Variants in UGT2A2 observed in about 807,000 individuals in gnomAD.
UGT2A2 encodes UDP-glucuronosyltransferase 2A2.
In UGT2A2, 60 loss-of-function variants were observed where a neutral mutation model predicts 50.7. The ratio of observed to expected loss-of-function variants is 1.18; its 90% CI spans 0.96 to 1.47. The LOEUF is 1.47. Among genes scored for constraint, UGT2A2 ranks in the 40% most tolerant of loss-of-function variants. The pLI, the probability that UGT2A2 is intolerant of heterozygous loss-of-function variation, is 0.00. For synonymous variants in UGT2A2, 242 were observed against 214.6 expected (o/e 1.13, Z -1.11); for missense variants, 762 against 634.0 (o/e 1.20, Z -2.17).
Position 69,607,048 on chromosome 4 carries a change from C to A in UGT2A2, c.743-7654G>T, listed in dbSNP as rs1170456819. 3.1e-4 allele frequency among the ~76,000 whole-genome samples: 42 copies of A among 136,164 alleles called. 5 individuals are homozygous for A. The highest frequency in any genetic ancestry group is 1.2e-3 in the African/African-American group (40 of 33,504). The allele number at this position is 136,164 out of a possible 152,430, so 89.3% of individuals were successfully genotyped here. A position where few individuals can be genotyped will look rare whatever the true frequency, so the allele number is the denominator to read the frequency against. Reference sequence around the variant, plus strand: ...CCATCAAACTACCAATGACTTTCTTCACAGAATTGGAAAAAACTACTTTAA... The same window carrying A: ...CCATCAAACTACCAATGACTTTCTTAACAGAATTGGAAAAAACTACTTTAA... On this transcript the variant is annotated intron_variant, in intron 1 of 5. Coordinates refer to ENST00000604629, the MANE Select transcript of UGT2A2 (RefSeq NM_001105677.2).
chr4:69,594,628 C>G lies in UGT2A2; in HGVS notation c.1180G>C (p.Gly394Arg), dbSNP rs375410043. 7 of 1,614,030 alleles carry G rather than the reference C, an allele frequency of 4.3e-6. No homozygotes were observed. The South Asian group carries it at 6.6e-5, about 15-fold the overall frequency. ...TNGIYEAIYH[G>R]VPMVGVPMFA... ...ATGGGAACTCCCACCATAGGGACTC[C>G]GTGGTAAATAGCTTCGTAGATCCCA... The change falls in exon 5 of 6, where the codon GGA (glycine) becomes CGA (arginine). Residue 394 changes from glycine to arginine, a missense_variant. Physicochemically the swap from Gly to Arg is moderately radical, Grantham distance 125. Coordinates refer to ENST00000604629, the MANE Select transcript of UGT2A2 (RefSeq NM_001105677.2).
intron 1 of UGT2A2, among the ~76,000 whole-genome samples, chr4:69,630,601 A>C (rs1229711099): frequency 6.6e-6 from 1 of 152,176 alleles, no homozygotes. Context: ...GGAATTATAA[A>C]ATAGGCCTCT....
At chr4:69,638,147 G>A (rs1003447387) in intron 1 of UGT2A2, among the ~76,000 whole-genome samples, 2 of 152,146 alleles carry the variant, frequency 1.3e-5, no homozygotes, top group Admixed American at 1.3e-4. Context: ...ACCAGTGGTA[G>A]CATCATCTGT....
chr4:69,589,880 G>A (rs959265091), intron 5 of UGT2A2, among the ~76,000 whole-genome samples: 2 of 152,144 alleles, frequency 1.3e-5, no homozygotes, highest in Non-Finnish European at 2.9e-5. Flanking sequence ...ACATAAAAAA[G>A]TAGAGTAAGC....
intron 1 of UGT2A2, 71 bp downstream of exon 1, chr4:69,638,828 T>C (rs1054943077): frequency 1.4e-6 from 2 of 1,449,304 alleles, no homozygotes; most frequent in Non-Finnish European, 1.8e-6. Flanking sequence ...GGAATGGAAA[T>C]CGTTTGCCAT....
chr4:69,599,916 C>T (rs1258498725), intron 1 of UGT2A2, among the ~76,000 whole-genome samples: 16 of 152,156 alleles, frequency 1.1e-4, no homozygotes, highest in Admixed American at 1.0e-3. Context: ...CAGTTAAATG[C>T]CAGATAAGTT....
chr4:69,630,369 C>T (rs1282017067), intron 1 of UGT2A2, among the ~76,000 whole-genome samples: 3 of 152,024 alleles, frequency 2.0e-5, no homozygotes, highest in Non-Finnish European at 4.4e-5. Flanking sequence ...CCCATTCCCA[C>T]CTCTTCCCGG....
At chr4:69,620,797 T>C (rs1720706619) in intron 1 of UGT2A2, among the ~76,000 whole-genome samples, 1 of 150,950 alleles carries the variant, frequency 6.6e-6, no homozygotes, top group Non-Finnish European at 1.5e-5. Flanking sequence ...AACAGAAACA[T>C]AGACAAAGGA....
intron 1 of UGT2A2, among the ~76,000 whole-genome samples, chr4:69,636,396 A>G (rs111739866): frequency 0.013 from 1,963 of 152,288 alleles, 41 homozygotes; most frequent in African/African-American, 0.043. Context: ...TCTTCACAGT[A>G]TACCTTAATT....
chr4:69,605,535 A>G (rs975178047), intron 1 of UGT2A2, among the ~76,000 whole-genome samples: 1 of 136,528 alleles, frequency 7.3e-6, no homozygotes, highest in Non-Finnish European at 1.6e-5. Context: ...AGCATAACAC[A>G]TTCAAGACCT....
At chr4:69,620,241 C>T (rs765583370) in intron 1 of UGT2A2, among the ~76,000 whole-genome samples, 4 of 151,890 alleles carry the variant, frequency 2.6e-5, no homozygotes, top group Admixed American at 6.6e-5. Context: ...ACCCCATAGT[C>T]TCAGCCCCAA....
intron 1 of UGT2A2, among the ~76,000 whole-genome samples, chr4:69,614,304 G>C (rs913348112): frequency 6.6e-6 from 1 of 151,806 alleles, no homozygotes; most frequent in Non-Finnish European, 1.5e-5. Flanking sequence ...ACAAAATATG[G>C]ATGAAAAAGA....
intron 5 of UGT2A2, among the ~76,000 whole-genome samples, chr4:69,591,559 T>C (rs1473255541): frequency 6.6e-6 from 1 of 152,064 alleles, no homozygotes; most frequent in Non-Finnish European, 1.5e-5. Context: ...AGACTGAAAG[T>C]CTGTGTTGAT....
chr4:69,612,880 G>T (rs868206133), intron 1 of UGT2A2, among the ~76,000 whole-genome samples: 2 of 143,958 alleles, frequency 1.4e-5, no homozygotes, highest in Admixed American at 7.2e-5. Flanking sequence ...TGACATGTGG[G>T]GCATAATTAA....
chr4:69,633,723 T>C lies in UGT2A2; in HGVS notation c.742+5176A>G, dbSNP rs76402486. On this transcript the variant is annotated intron_variant, in intron 1 of 5. Transcript: ENST00000604629. ...GAGTACATAATGTGTGATTCAACTA[T>C]ATAACGTTTAAAGTCAAGGAAAATT... Among the ~76,000 whole-genome samples the C allele has an allele frequency of 1.9e-3, 288 of 152,276 alleles. 7 individuals are homozygous for C. The East Asian group carries it at 0.05, about 27-fold the overall frequency.
Position 69,599,347 on chromosome 4 carries a change from A to G in UGT2A2, c.790T>C (p.Leu264=). The G allele has an allele frequency of 6.2e-7, 1 of 1,613,902 alleles. No homozygotes were observed. The highest frequency in any genetic ancestry group is 8.5e-7 in the Non-Finnish European group (1 of 1,179,908). Residue 264 remains leucine (L), a synonymous_variant, in exon 2 of 6, where the codon TTA becomes CTA. Transcript: ENST00000604629. ...CETMGKAEIW[L]IRTYWDFEFP... is the part of the protein sequence containing the mutation. ...TCAAAATCCCAATATGTTCGGATTA[A>G]CCAAATTTCAGCTTTCCCCATAGTC...
chr4:69,638,467 G>C (rs1371792649), intron 1 of UGT2A2, among the ~76,000 whole-genome samples: 1 of 152,098 alleles, frequency 6.6e-6, no homozygotes, highest in Admixed American at 6.6e-5. Flanking sequence ...GTAAACTCCA[G>C]TTTTCTATTG....
At chr4:69,628,361 A>C (rs1212773292) in intron 1 of UGT2A2, among the ~76,000 whole-genome samples, 2 of 151,978 alleles carry the variant, frequency 1.3e-5, no homozygotes, top group Non-Finnish European at 2.9e-5. Context: ...TTCAAAATAC[A>C]CTACAAAGTG....
intron 1 of UGT2A2, among the ~76,000 whole-genome samples, chr4:69,617,427 T>A (rs1477033484): frequency 6.6e-6 from 1 of 151,956 alleles, no homozygotes; most frequent in East Asian, 1.9e-4. Context: ...TATATGTTTA[T>A]AACATGTAAG....
Sources: gnomAD v4.1 joint callset for allele counts (sites outside exome capture counted in the v4.1 genomes callset) on GRCh38, gnomAD v4.1.1 for gene constraint, MANE v1.5 for transcripts, NCBI Gene and HGNC (gene_info 2026-07-23, HGNC 2026-07-21) for gene names.